The following MAN2A1 variants were observed in gnomAD, a reference collection of about 807,000 sequenced individuals.
The protein encoded by MAN2A1 is alpha-mannosidase 2.
A neutral mutation model predicts 142.6 loss-of-function variants in MAN2A1; 76 were observed. The observed-to-expected ratio is 0.53, with a 90% CI of 0.44 to 0.65. The LOEUF is 0.65. MAN2A1 is among the 30% of genes least tolerant of loss of function. The pLI, the probability that MAN2A1 is intolerant of heterozygous loss-of-function variation, is 0.00. For missense variants in MAN2A1, 1,311 were observed against 1,365.1 expected, an observed-to-expected ratio of 0.96 and a Z score of 0.62; for synonymous variants, 559 against 473.2, an observed-to-expected ratio of 1.18 and a Z score of -2.35.
At position 109,747,978 on chromosome 5, in the gene MAN2A1, G is replaced by T. The variant is rs773185681; in HGVS notation, c.708-7351G>T. The stretch of plus-strand genomic sequence containing the variant: ...AGGCATCCCTAATGGGTGTTGTACC[G>T]TGCTTTTTAAACATGTATCTTGGAG... On this transcript the variant is annotated intron_variant, in intron 4 of 21. Transcript: ENST00000261483. 2.6e-5 allele frequency among the ~76,000 whole-genome samples: 4 copies of T among 152,174 alleles called. No individual in the cohort carries two copies. In the South Asian group the frequency reaches 6.2e-4, roughly 24 times the overall value.
At chr5:109,844,547 A>G (rs918781582) in intron 17 of MAN2A1, among the ~76,000 whole-genome samples, 1 of 152,096 alleles carries the variant, frequency 6.6e-6, no homozygotes, top group Admixed American at 6.5e-5. Flanking sequence ...AGGCTGCCAT[A>G]CAAATGGAAT....
intron 1 of MAN2A1, among the ~76,000 whole-genome samples, chr5:109,706,292 T>C (rs546905647): frequency 6.6e-6 from 1 of 152,338 alleles, no homozygotes; most frequent in East Asian, 1.9e-4. Context: ...CTGTTCTTAA[T>C]TATGACACAT....
At chr5:109,715,568 A>G (rs777596515) in intron 2 of MAN2A1, among the ~76,000 whole-genome samples, 6 of 152,140 alleles carry the variant, frequency 3.9e-5, no homozygotes, top group Non-Finnish European at 8.8e-5. Context: ...TTAGATGATT[A>G]TGCCTGGTTG....
At chr5:109,769,792 G>A (rs1753091386) in intron 6 of MAN2A1, among the ~76,000 whole-genome samples, 1 of 152,154 alleles carries the variant, frequency 6.6e-6, no homozygotes, top group Non-Finnish European at 1.5e-5. Context: ...CATGGGGTGA[G>A]ACTGTAGATT....
At chr5:109,857,572 CT>C (rs1315662854) in intron 20 of MAN2A1, among the ~76,000 whole-genome samples, 1 of 152,158 alleles carries the variant, frequency 6.6e-6, no homozygotes, top group African/African-American at 2.4e-5. Flanking sequence ...TGATTGTTTT[CT>C]GGAAGCAGCT....
Position 109,807,667 on chromosome 5 carries a change from G to C in MAN2A1, c.1944-9606G>C, listed in dbSNP as rs564737359. On this transcript the variant is annotated intron_variant, in intron 12 of 21. Transcript: ENST00000261483. Reference sequence around the variant, plus strand: ...CTTGTAAATACATTGGGCCCACCTAGACAGCCCCGAATGAGCTCCCCATAC... The same window carrying C: ...CTTGTAAATACATTGGGCCCACCTACACAGCCCCGAATGAGCTCCCCATAC... Among the ~76,000 whole-genome samples the C allele has an allele frequency of 4.6e-5, 7 of 152,230 alleles. No individual in the cohort carries two copies. In the East Asian group the frequency reaches 7.7e-4, roughly 17 times the overall value.
At chr5:109,797,859 CTA>C (rs1753905765) in intron 12 of MAN2A1, among the ~76,000 whole-genome samples, 1 of 152,120 alleles carries the variant, frequency 6.6e-6, no homozygotes, top group Admixed American at 6.5e-5. Context: ...GACAGGAAGA[CTA>C]TGAAGTTTTG....
Position 109,781,453 on chromosome 5 carries a change from CAG to C in MAN2A1, c.1438_1439del (p.Asp480GlnfsTer21). 6.2e-7 allele frequency: 1 copy of C among 1,612,698 alleles called. No homozygotes were observed. The highest frequency in any genetic ancestry group is 1.1e-5 in the South Asian group (1 of 90,650). On this transcript the variant is annotated frameshift_variant, in exon 9 of 22. Coordinates refer to ENST00000261483, the MANE Select transcript of MAN2A1 (RefSeq NM_002372.4). LOFTEE classifies it high-confidence loss of function. ...TGCGCTGGATAAAGCAGATGAAACTCAGAGAGACAAGGGCCAATCGATGTTCC... is the reference window on the plus strand; with the variant it reads ...TGCGCTGGATAAAGCAGATGAAACTCAGAGACAAGGGCCAATCGATGTTCC... ...FDALDKADETQRDKGQSMFPV... is the reference protein window; with the variant it reads ...FDALDKADETXRDKGQSMFPV...
At chr5:109,857,361 T>C (rs1755651641) in intron 20 of MAN2A1, among the ~76,000 whole-genome samples, 1 of 152,214 alleles carries the variant, frequency 6.6e-6, no homozygotes, top group African/African-American at 2.4e-5. Flanking sequence ...AGGTGTCGTG[T>C]CATAAATTCA....
chr5:109,780,183 G>A lies in MAN2A1; in HGVS notation c.1375-1213G>A, dbSNP rs184037108. Among the ~76,000 whole-genome samples, 961 of 151,986 alleles carry A rather than the reference G, an allele frequency of 6.3e-3. 12 individuals are homozygous for A. Among genetic ancestry groups the A allele is most frequent in the African/African-American group, 0.022 (911 of 41,452 alleles). ...CGCCATTCTCCTGCCTCAGCCTCCCGAGTAGCTGGGACTACAGGTGCCTGC... is the reference window on the plus strand; with the variant it reads ...CGCCATTCTCCTGCCTCAGCCTCCCAAGTAGCTGGGACTACAGGTGCCTGC... On this transcript the variant is annotated intron_variant, in intron 8 of 21. Coordinates refer to ENST00000261483, the MANE Select transcript of MAN2A1 (RefSeq NM_002372.4).
intron 4 of MAN2A1, among the ~76,000 whole-genome samples, chr5:109,738,413 T>C (rs2112601091): frequency 6.6e-6 from 1 of 152,180 alleles, no homozygotes; most frequent in South Asian, 2.1e-4. Context: ...ATTGATACCA[T>C]CTTTTCTCTT....
At chr5:109,785,417 C>G (rs1753571803) in intron 10 of MAN2A1, among the ~76,000 whole-genome samples, 1 of 151,256 alleles carries the variant, frequency 6.6e-6, no homozygotes, top group African/African-American at 2.4e-5. Flanking sequence ...AGGAAAAAGA[C>G]CTATAAACCT....
intron 4 of MAN2A1, among the ~76,000 whole-genome samples, chr5:109,746,839 C>T (rs1752422040): frequency 6.6e-6 from 1 of 152,082 alleles, no homozygotes; most frequent in African/African-American, 2.4e-5. Context: ...CTATTAGGTG[C>T]CTTATGTACG....
At chr5:109,761,368 G>A (rs1203552760) in intron 5 of MAN2A1, among the ~76,000 whole-genome samples, 1 of 151,608 alleles carries the variant, frequency 6.6e-6, no homozygotes, top group African/African-American at 2.4e-5. Context: ...TTTTATGGTA[G>A]GTGCTATTTA....
chr5:109,738,751 T>C (rs1479437163), intron 4 of MAN2A1, among the ~76,000 whole-genome samples: 3 of 152,198 alleles, frequency 2.0e-5, no homozygotes, highest in Non-Finnish European at 2.9e-5. Flanking sequence ...ACATTAGTGC[T>C]TTTTTAACTT....
chr5:109,767,698 A>G lies in MAN2A1; in HGVS notation c.999A>G (p.Arg333=), dbSNP rs1753031653. Residue 333 remains arginine, a synonymous_variant, in exon 6 of 22, where the codon AGA becomes AGG. Transcript: ENST00000261483. Reference sequence around the variant, plus strand: ...ATAAAACATTGGAGTTTTTTTGGAGACAGAATTGGGGTATGTAGGGTTTGA... The same window carrying G: ...ATAAAACATTGGAGTTTTTTTGGAGGCAGAATTGGGGTATGTAGGGTTTGA... ...ALHKTLEFFW[R]QNWDLGSVTD... is the part of the protein sequence containing the mutation. 1.9e-6 allele frequency: 3 copies of G among 1,611,472 alleles called. No homozygotes were observed. Among genetic ancestry groups the G allele is most frequent in the Non-Finnish European group, 2.5e-6 (3 of 1,179,418 alleles).
chr5:109,799,754 CA>C (rs35788147), intron 12 of MAN2A1, among the ~76,000 whole-genome samples: 160 of 115,378 alleles, frequency 1.4e-3, no homozygotes, highest in Admixed American at 1.4e-3. Flanking sequence ...AACTCCGTCT[CA>C]AAAAAAAAAA....
intron 16 of MAN2A1, among the ~76,000 whole-genome samples, chr5:109,825,931 G>C (rs1754746609): frequency 1.0e-5 from 1 of 97,132 alleles, no homozygotes. Context: ...TTTTTTGACA[G>C]AGTCTCGCTC....
chr5:109,813,950 A>G (rs1229145585), intron 12 of MAN2A1, among the ~76,000 whole-genome samples: 1 of 152,160 alleles, frequency 6.6e-6, no homozygotes, highest in East Asian at 1.9e-4. Flanking sequence ...TTTGATTGGC[A>G]GGTAACATAT....
Sources: gnomAD v4.1 joint callset for allele counts (sites outside exome capture counted in the v4.1 genomes callset) on GRCh38, gnomAD v4.1.1 for gene constraint, MANE v1.5 for transcripts, NCBI Gene and HGNC (gene_info 2026-07-23, HGNC 2026-07-21) for gene names.